Variants in REPS2 observed in about 807,000 individuals in gnomAD.
REPS2 encodes the protein RALBP1 associated Eps domain containing 2.
A neutral mutation model predicts 53.6 loss-of-function variants in REPS2; 23 were observed. The observed-to-expected ratio is 0.43, with a 90% CI of 0.31 to 0.61. The LOEUF (loss-of-function observed/expected upper bound fraction) is 0.61, where lower values mean the gene tolerates loss of function less well. Ranked by LOEUF, REPS2 falls within the 20% of genes least tolerant of loss-of-function variation. The pLI is 0.11. For synonymous variants in REPS2, 238 were observed against 218.6 expected, an observed-to-expected ratio of 1.09 and a Z score of -0.78; for missense variants, 446 against 534.9, an observed-to-expected ratio of 0.83 and a Z score of 1.64.
chrX:17,004,468 A>G (rs1206743858), intron 1 of REPS2, among the ~76,000 whole-genome samples: 2 of 104,393 alleles, frequency 1.9e-5, no homozygotes, highest in African/African-American at 3.5e-5. Context: ...AAGGCTTATA[A>G]TTCTTTTCTC....
downstream of REPS2, among the ~76,000 whole-genome samples, chrX:17,156,422 A>ATATG (rs2063615779): frequency 9.1e-6 from 1 of 109,374 alleles, no homozygotes; most frequent in African/African-American, 3.3e-5. Flanking sequence ...ATATATATAT[A>ATATG]TATGTATTTT....
chrX:17,020,191 G>A (rs2061553712), intron 2 of REPS2, among the ~76,000 whole-genome samples: 1 of 112,148 alleles, frequency 8.9e-6, no homozygotes, highest in Non-Finnish European at 1.9e-5. Context: ...TATAATAATT[G>A]ATATTCATAA....
In REPS2 at chrX:16,951,728, A is replaced by G. The variant is rs191033903; in HGVS notation, c.273+4594A>G. ...CAGACCCTGTCTCATAAAATAAATA[A>G]GTAAATAAATAAAATATCTACCTTA... On this transcript the variant is annotated intron_variant, in intron 1 of 17. Transcript: ENST00000357277. Among the ~76,000 whole-genome samples, 4 of 111,711 alleles carry G rather than the reference A, an allele frequency of 3.6e-5. No homozygotes were observed. The Admixed American group carries it at 3.8e-4, about 11-fold the overall frequency.
At chrX:17,057,703 CGTCTTGTCTT>C (rs1440371404) in intron 8 of REPS2, among the ~76,000 whole-genome samples, 1 of 112,594 alleles carries the variant, frequency 8.9e-6, no homozygotes, top group African/African-American at 3.2e-5. Flanking sequence ...TTCTCTCCCT[CGTCTTGTCTT>C]GTCTTGTCTT....
At chrX:17,162,858 A>T in the REPS2 span, among the ~76,000 whole-genome samples, 1 of 112,208 alleles carries the variant, frequency 8.9e-6, no homozygotes, top group Non-Finnish European at 1.9e-5. Flanking sequence ...AACAACACCA[A>T]ACAGCAACAA....
At position 17,150,496 on chromosome X, in the gene REPS2, C is replaced by G. The variant is rs1715966887; in HGVS notation, c.*3015C>G. ...CTTTCCTATCCAGCAGACATCAAAGCAAAACTAAAAGGTAGATATCTGGAA... is the reference window on the plus strand; with the variant it reads ...CTTTCCTATCCAGCAGACATCAAAGGAAAACTAAAAGGTAGATATCTGGAA... On this transcript the variant is annotated 3_prime_UTR_variant, in exon 18 of 18. Coordinates refer to ENST00000357277, the MANE Select transcript of REPS2 (RefSeq NM_004726.3). The G allele has an allele frequency of 8.9e-6, 1 of 112,716 alleles. No homozygotes were observed. Among genetic ancestry groups the G allele is most frequent in the South Asian group, 3.6e-4 (1 of 2,755 alleles). The allele number at this position is 112,716 out of a possible 1,213,427, so 9.3% of individuals were successfully genotyped here. A position where few individuals can be genotyped will look rare whatever the true frequency, so the allele number is the denominator to read the frequency against.
Position 17,051,223 on chromosome X carries a change from C to T in REPS2, c.908-1159C>T, listed in dbSNP as rs189075444. Among the ~76,000 whole-genome samples, 193 of 111,711 alleles carry T rather than the reference C, an allele frequency of 1.7e-3. 2 individuals are homozygous for T. Among genetic ancestry groups the T allele is most frequent in the Admixed American group, 1.1e-3 (12 of 10,490 alleles). ...TTTTTTTAATGGCTGAATAGTACCC[C>T]ACTGTGTATACATACCACATTTTCT... is the stretch of plus-strand genomic sequence containing the variant. On this transcript the variant is annotated intron_variant, in intron 6 of 17. Coordinates refer to ENST00000357277, the MANE Select transcript of REPS2 (RefSeq NM_004726.3).
intron 6 of REPS2, 66 bp from the exon 7 acceptor site, chrX:17,052,316 T>C (rs2062013958): frequency 1.1e-5 from 10 of 896,817 alleles, no homozygotes; most frequent in Middle Eastern, 2.8e-4. Context: ...GATTCATTTG[T>C]ATATAAATGT....
intron 8 of REPS2, among the ~76,000 whole-genome samples, chrX:17,060,672 A>C (rs2062147192): frequency 9.0e-6 from 1 of 111,161 alleles, no homozygotes; most frequent in Admixed American, 9.7e-5. Context: ...TATGCTGGGG[A>C]GGCTCTGAGA....
chrX:17,055,923 G>T (rs2062063080), intron 8 of REPS2, among the ~76,000 whole-genome samples: 1 of 103,342 alleles, frequency 9.7e-6, no homozygotes, highest in Non-Finnish European at 2.0e-5. Flanking sequence ...CACCAGCATG[G>T]CACATGTATA....
At chrX:17,001,988 G>C (rs1044264052) in intron 1 of REPS2, among the ~76,000 whole-genome samples, 1 of 112,221 alleles carries the variant, frequency 8.9e-6, no homozygotes, top group Non-Finnish European at 1.9e-5. Flanking sequence ...AATTCTGGGA[G>C]ATACAATTCA....
At chrX:17,039,865 C>G (rs979409324) in intron 5 of REPS2, among the ~76,000 whole-genome samples, 1 of 112,554 alleles carries the variant, frequency 8.9e-6, no homozygotes, top group Non-Finnish European at 1.9e-5. Context: ...GCATTAGGTA[C>G]TTACAGTGCC....
chrX:17,145,827 A>G (rs1299552274), intron 17 of REPS2, among the ~76,000 whole-genome samples: 1 of 112,112 alleles, frequency 8.9e-6, no homozygotes, highest in African/African-American at 3.2e-5. Context: ...ACTCAATGCC[A>G]GGCCGGGTGC....
intron 14 of REPS2, among the ~76,000 whole-genome samples, chrX:17,108,074 C>T (rs904324002): frequency 2.7e-5 from 3 of 110,967 alleles, no homozygotes; most frequent in Non-Finnish European, 3.8e-5. Flanking sequence ...CTACTGTGCC[C>T]GGCCTAGAGC....
intron 14 of REPS2, among the ~76,000 whole-genome samples, chrX:17,114,302 C>A (rs2063017310): frequency 8.9e-6 from 1 of 112,161 alleles, no homozygotes; most frequent in South Asian, 3.7e-4. Context: ...TTAGGTGACT[C>A]ATTTATAATT....
intron 13 of REPS2, among the ~76,000 whole-genome samples, chrX:17,079,996 T>C (rs753526518): frequency 8.9e-6 from 1 of 112,148 alleles, no homozygotes; most frequent in Non-Finnish European, 1.9e-5. Flanking sequence ...TCACTGAGAA[T>C]CATGGTGTAC....
chrX:17,096,671 A>AG (rs1350569109), intron 13 of REPS2, among the ~76,000 whole-genome samples: 2 of 99,716 alleles, frequency 2.0e-5, no homozygotes, highest in African/African-American at 7.3e-5. Context: ...AAAAAAAAAA[A>AG]AAAAAAAAAA....
At chrX:17,100,190 T>C in intron 13 of REPS2, 1 of 615,090 alleles carries the variant, frequency 1.6e-6, no homozygotes, top group Non-Finnish European at 2.8e-6. Flanking sequence ...TGAGAATCCC[T>C]TCCACTTTAG....
chrX:17,058,287 C>G (rs1032392061), intron 8 of REPS2, among the ~76,000 whole-genome samples: 1 of 109,546 alleles, frequency 9.1e-6, no homozygotes, highest in Non-Finnish European at 1.9e-5. Flanking sequence ...AAACCCCATG[C>G]ACTAAAAATA....
Sources: allele counts gnomAD v4.1 joint callset (sites outside exome capture counted in the v4.1 genomes callset), GRCh38; gene constraint gnomAD v4.1.1; transcripts MANE v1.5; gene names NCBI Gene and HGNC (gene_info 2026-07-23, HGNC 2026-07-21).